TBX10: variants seen among roughly 807,000 people sequenced by gnomAD.
The protein encoded by TBX10 is T-box transcription factor TBX10.
Under a neutral mutation model 32.4 loss-of-function variants are expected in TBX10, and 26 were observed. The ratio of observed to expected loss-of-function variants is 0.80; its 90% CI spans 0.59 to 1.11. TBX10 has a LOEUF of 1.11. Ranked by LOEUF, TBX10 falls within the 50% of genes most tolerant of loss-of-function variation. TBX10 has a pLI of 0.00. For missense variants in TBX10, 490 were observed against 494.5 expected (o/e 0.99, Z 0.09); for synonymous variants, 195 against 203.1 (o/e 0.96, Z 0.34).
chr11:67,640,236 G>A (rs911051426), upstream of TBX10, among the ~76,000 whole-genome samples: 6 of 152,244 alleles, frequency 3.9e-5, no homozygotes, highest in Admixed American at 6.5e-5. Context: ...GAACCCACAC[G>A]CACAGACACA....
In TBX10 at chr11:67,631,567, G is replaced by A; in HGVS notation, c.*38C>T. On this transcript the variant is annotated 3_prime_UTR_variant, in exon 8 of 8. Transcript: ENST00000335385. ...GGCTGATTCCCACACCCGGTGTAAG[G>A]TCCAGGGTAGCAGGGCTTCCCCCCA... is the stretch of plus-strand genomic sequence containing the variant. 6.4e-7 allele frequency: 1 copy of A among 1,568,076 alleles called. No homozygotes were observed. Among genetic ancestry groups the A allele is most frequent in the Non-Finnish European group, 8.6e-7 (1 of 1,164,254 alleles).
intron 1 of TBX10, among the ~76,000 whole-genome samples, chr11:67,637,795 C>T (rs1046916743): frequency 1.3e-5 from 2 of 152,048 alleles, no homozygotes; most frequent in African/African-American, 4.8e-5. Context: ...ATAAATTTTG[C>T]TTCTAAGAGA....
At chr11:67,640,259 G>C (rs535344909), upstream of TBX10, among the ~76,000 whole-genome samples, 6 of 152,256 alleles carry the variant, frequency 3.9e-5, no homozygotes, top group Non-Finnish European at 7.3e-5. Context: ...GATGAACTCA[G>C]GGAGCTGCGC....
chr11:67,631,944 C>T (rs767359450), intron 7 of TBX10, 50 bp from the exon 8 acceptor site: 7 of 1,551,730 alleles, frequency 4.5e-6, no homozygotes, highest in Non-Finnish European at 4.4e-6. Context: ...ATCCTCATCC[C>T]TCATCCCAGG....
intron 1 of TBX10, among the ~76,000 whole-genome samples, chr11:67,635,918 G>T (rs919171114): frequency 1.3e-5 from 2 of 151,912 alleles, no homozygotes; most frequent in Admixed American, 6.6e-5. Context: ...CCCGGCACAA[G>T]TCTTGGCCAA....
chr11:67,636,847 A>G (rs1463175066), intron 1 of TBX10, among the ~76,000 whole-genome samples: 2 of 152,230 alleles, frequency 1.3e-5, no homozygotes, highest in Non-Finnish European at 2.9e-5. Flanking sequence ...TATACCAGAA[A>G]GAATTGAAAG....
In TBX10 at chr11:67,632,441, G is replaced by A. The variant is rs754427865; in HGVS notation, c.774-29C>T. On this transcript the variant is annotated intron_variant, in intron 6 of 7. Transcript: ENST00000335385. ...AAAGAGCAAGCGAGAATGGGGGGAG[G>A]GGATCAAGGGGAAGAACCCAGGCCA... 19 of 1,604,646 alleles carry A rather than the reference G, an allele frequency of 1.2e-5. No homozygotes were observed. The South Asian group carries it at 2.0e-4, about 17-fold the overall frequency.
At chr11:67,641,053 G>T (rs1015889388), upstream of TBX10, among the ~76,000 whole-genome samples, 1 of 152,062 alleles carries the variant, frequency 6.6e-6, no homozygotes, top group Admixed American at 6.5e-5. Flanking sequence ...TGAGTTGGAG[G>T]GTCCCAGCAG....
At chr11:67,631,975 C>T in intron 7 of TBX10, 81 bp from the exon 8 acceptor site, 1 of 1,531,776 alleles carries the variant, frequency 6.5e-7, no homozygotes, top group Non-Finnish European at 8.8e-7. Flanking sequence ...TCCCTTCCTG[C>T]TCCTCCTTCC....
At chr11:67,641,233 C>T (rs1591127615), upstream of TBX10, among the ~76,000 whole-genome samples, 4 of 151,768 alleles carry the variant, frequency 2.6e-5, no homozygotes, top group East Asian at 1.9e-4. Flanking sequence ...GCCCCTGATA[C>T]GTGTGTGTGT....
rs1036840593 is a variant in TBX10, at chr11:67,639,589, G to T, written c.-117C>A. ...CTCGGCACCTCAGCTCAGCCCTCAGGTGCTCACACAAGCTGTAGTCTCTCG... is the reference window on the plus strand; with the variant it reads ...CTCGGCACCTCAGCTCAGCCCTCAGTTGCTCACACAAGCTGTAGTCTCTCG... On this transcript the variant is annotated 5_prime_UTR_variant, in exon 1 of 8. Coordinates refer to ENST00000335385, the MANE Select transcript of TBX10 (RefSeq NM_005995.5). The T allele has an allele frequency of 1.2e-5, 16 of 1,370,562 alleles. No individual in the cohort carries two copies. Among genetic ancestry groups the T allele is most frequent in the Non-Finnish European group, 1.6e-5 (16 of 972,716 alleles). 84.9% of individuals were successfully genotyped at this position (1,370,562 alleles called of 1,614,324 possible). A position where few individuals can be genotyped will look rare whatever the true frequency, so the allele number is the denominator to read the frequency against.
At chr11:67,639,393 T>TCCCCCCCCCCCCCCCC in intron 1 of TBX10, 73 bp downstream of exon 1, 1 of 726,926 alleles carries the variant, frequency 1.4e-6, no homozygotes, top group Non-Finnish European at 2.5e-6. Flanking sequence ...CTGTCTTGGT[T>TCCCCCCCCCCCCCCCC]CCCACCCTGC....
At chr11:67,633,686 C>T (rs1855275175) in intron 4 of TBX10, among the ~76,000 whole-genome samples, 1 of 152,254 alleles carries the variant, frequency 6.6e-6, no homozygotes, top group Non-Finnish European at 1.5e-5. Flanking sequence ...GCATCCTCCA[C>T]CTCCTTCAGG....
chr11:67,636,451 T>C (rs12274519), intron 1 of TBX10, among the ~76,000 whole-genome samples: 4,582 of 151,870 alleles, frequency 0.03, 253 homozygotes, highest in African/African-American at 0.1. Flanking sequence ...GGAAACAGCA[T>C]GGTAGCTCCT....
At chr11:67,633,401 C>G (rs1855271154) in intron 4 of TBX10, among the ~76,000 whole-genome samples, 1 of 152,162 alleles carries the variant, frequency 6.6e-6, no homozygotes, top group South Asian at 2.1e-4. Flanking sequence ...GGCCTGTCCC[C>G]TGTCCCCGCC....
chr11:67,635,064 C>CA lies in TBX10; in HGVS notation c.206dup (p.Glu70GlyfsTer15), dbSNP rs1565234443. 2 of 1,613,900 alleles carry CA rather than the reference C, an allele frequency of 1.2e-6. No homozygotes were observed. The highest frequency in any genetic ancestry group is 2.2e-5 in the South Asian group (2 of 91,092). On this transcript the variant is annotated frameshift_variant, in exon 2 of 8. Transcript: ENST00000335385. LOFTEE classifies it high-confidence loss of function. Reference sequence around the variant, plus strand: ...ATTCCTCCCACAGAGGCTTCATCTCCAGCTGAACTGTCACTCTGGACACAC... The same window carrying CA: ...ATTCCTCCCACAGAGGCTTCATCTCCAAGCTGAACTGTCACTCTGGACACAC...
Position 67,635,112 on chromosome 11 carries a change from A to G in TBX10, c.159T>C (p.Thr53=), listed in dbSNP as rs1267532203. ...STGAQAVAEP[T]GQGPKNPRVS... is the part of the protein sequence containing the mutation. Reference sequence around the variant, plus strand: ...CACGTGGGTTCTTGGGGCCCTGCCCAGTGGGCTCGGCCACAGCTTGGGCCC... The same window carrying G: ...CACGTGGGTTCTTGGGGCCCTGCCCGGTGGGCTCGGCCACAGCTTGGGCCC... Residue 53 remains threonine, a synonymous_variant, in exon 2 of 8, where the codon ACT becomes ACC. Coordinates refer to ENST00000335385, the MANE Select transcript of TBX10 (RefSeq NM_005995.5). The G allele has an allele frequency of 6.2e-7, 1 of 1,613,794 alleles. No individual in the cohort carries two copies. Among genetic ancestry groups the G allele is most frequent in the African/African-American group, 1.3e-5 (1 of 75,046 alleles).
chr11:67,639,393 T>TACCCCCC, intron 1 of TBX10, 73 bp downstream of exon 1: 18 of 726,902 alleles, frequency 2.5e-5, no homozygotes, highest in East Asian at 5.5e-5. Context: ...CTGTCTTGGT[T>TACCCCCC]CCCACCCTGC....
At chr11:67,632,053 C>T (rs964903831) in intron 7 of TBX10, among the ~76,000 whole-genome samples, 159 bp from the exon 8 acceptor site, 9 of 152,210 alleles carry the variant, frequency 5.9e-5, no homozygotes, top group Non-Finnish European at 7.3e-5. Flanking sequence ...TTCACCTTCT[C>T]CCTCTGTCCA....
Sources: allele counts gnomAD v4.1 joint callset (sites outside exome capture counted in the v4.1 genomes callset), GRCh38; gene constraint gnomAD v4.1.1; transcripts MANE v1.5; gene names NCBI Gene and HGNC (gene_info 2026-07-23, HGNC 2026-07-21).